Variants in CD36 observed in about 807,000 individuals in gnomAD.
CD36 encodes the protein platelet glycoprotein 4.
A neutral mutation model predicts 55.2 loss-of-function variants in CD36; 119 were observed. The observed-to-expected ratio is 2.15, with a 90% CI of 1.86 to 2.51. The LOEUF (loss-of-function observed/expected upper bound fraction) is 2.51. CD36 is among the 30% of genes most tolerant of loss of function. CD36 has a pLI of 0.00. For missense variants in CD36, 819 were observed against 555.5 expected (o/e 1.47, Z -4.77); for synonymous variants, 186 against 193.6 (o/e 0.96, Z 0.33).
At chr7:80,651,785 C>A (rs1287321238) in intron 3 of CD36, among the ~76,000 whole-genome samples, 2 of 152,024 alleles carry the variant, frequency 1.3e-5, no homozygotes, top group African/African-American at 4.8e-5. Flanking sequence ...TTACACATGC[C>A]TGTAGTCCTA....
chr7:80,647,056 A>G (rs1460654109), intron 3 of CD36, 196 bp downstream of exon 3: 1 of 555,938 alleles, frequency 1.8e-6, no homozygotes, highest in Non-Finnish European at 3.2e-6. Flanking sequence ...TATATTTAAC[A>G]TGACTCCATT....
chr7:80,611,728 C>G (rs923572636), intron 1 of CD36, among the ~76,000 whole-genome samples: 1 of 152,084 alleles, frequency 6.6e-6, no homozygotes, highest in Admixed American at 6.6e-5. Flanking sequence ...GAGATTTGCT[C>G]TGAATTAGAT....
intron 1 of CD36, among the ~76,000 whole-genome samples, chr7:80,642,446 A>G (rs1397065474): frequency 6.6e-6 from 1 of 152,108 alleles, no homozygotes; most frequent in Non-Finnish European, 1.5e-5. Context: ...GAAGATAAAT[A>G]TAGGTGGAAA....
At chr7:80,632,305 A>C (rs1794123349) in intron 1 of CD36, among the ~76,000 whole-genome samples, 1 of 151,128 alleles carries the variant, frequency 6.6e-6, no homozygotes, top group Admixed American at 6.6e-5. Context: ...CAGATGTATT[A>C]TTTCCTGTGT....
At chr7:80,654,503 C>A (rs190580124) in intron 3 of CD36, among the ~76,000 whole-genome samples, 34 of 152,154 alleles carry the variant, frequency 2.2e-4, no homozygotes, top group Admixed American at 1.9e-3. Flanking sequence ...AGAAATCAAC[C>A]GTTTTCAGCT....
chr7:80,646,759 T>C lies in CD36; in HGVS notation c.19T>C (p.Cys7Arg). ...AAGAAAAATGGGCTGTGACCGGAAC[T>C]GTGGGCTCATCGCTGGGGCTGTCAT... MGCDRNCGLIAGAVIGA... is the reference protein window; with the variant it reads MGCDRNRGLIAGAVIGA... Residue 7 changes from cysteine (C) to arginine (R), a missense_variant, in exon 3 of 15, where the codon TGT (cysteine) becomes CGT (arginine). Cys to Arg is a radical substitution (Grantham distance 180). Transcript: ENST00000447544. 1 of 1,614,012 alleles carries C rather than the reference T, an allele frequency of 6.2e-7. No homozygotes were observed. Among genetic ancestry groups the C allele is most frequent in the Non-Finnish European group, 8.5e-7 (1 of 1,179,944 alleles).
chr7:80,641,925 A>G (rs991664620), intron 1 of CD36, among the ~76,000 whole-genome samples: 5 of 142,534 alleles, frequency 3.5e-5, no homozygotes, highest in African/African-American at 1.0e-4. Context: ...TTACAGAAAC[A>G]CTGTTGACCT....
At chr7:80,649,595 G>T (rs1795444131) in intron 3 of CD36, among the ~76,000 whole-genome samples, 1 of 152,032 alleles carries the variant, frequency 6.6e-6, no homozygotes, top group Non-Finnish European at 1.5e-5. Flanking sequence ...GTGAGTTATT[G>T]ATAGAAGGTA....
At chr7:80,650,686 T>C (rs1028728582) in intron 3 of CD36, among the ~76,000 whole-genome samples, 1 of 152,140 alleles carries the variant, frequency 6.6e-6, no homozygotes, top group Non-Finnish European at 1.5e-5. Context: ...AATCATTTCA[T>C]ATTTAGTGTA....
chr7:80,659,617 C>G (rs2116630390), intron 4 of CD36, among the ~76,000 whole-genome samples: 1 of 152,216 alleles, frequency 6.6e-6, no homozygotes, highest in East Asian at 1.9e-4. Context: ...AAACAACATT[C>G]TAAAGGCAGG....
At chr7:80,612,411 C>T (rs1165521924) in intron 1 of CD36, among the ~76,000 whole-genome samples, 2 of 152,040 alleles carry the variant, frequency 1.3e-5, no homozygotes, top group Admixed American at 6.6e-5. Flanking sequence ...AAAAATTATG[C>T]CTTTGGCATA....
intron 1 of CD36, among the ~76,000 whole-genome samples, chr7:80,629,549 A>G (rs1793951163): frequency 6.6e-6 from 1 of 152,054 alleles, no homozygotes; most frequent in South Asian, 2.1e-4. Context: ...GTTAAAGGGC[A>G]TCTCTGGAAA....
At chr7:80,655,940 GAA>G (rs772968472) in intron 3 of CD36, among the ~76,000 whole-genome samples, 2 of 129,686 alleles carry the variant, frequency 1.5e-5, no homozygotes, top group South Asian at 2.4e-4. Context: ...AAAAAGAAAA[GAA>G]AAAGAAAAAG....
Position 80,604,390 on chromosome 7 carries a change from T to TAGC in CD36, c.-184+2013_-184+2015dup, listed in dbSNP as rs1554330373. Among the ~76,000 whole-genome samples the TAGC allele has an allele frequency of 2.0e-3, 222 of 109,622 alleles. 18 individuals are homozygous for TAGC. In the East Asian group the frequency reaches 0.031, roughly 15 times the overall value. The allele number at this position is 109,622 out of a possible 152,430, so 71.9% of individuals were successfully genotyped here. On this transcript the variant is annotated intron_variant, in intron 1 of 13. Transcript: ENST00000309881. ...TTTTTTTTTTTTTTTTTTTTTTTTT[T>TAGC]AGCAAAGTATGCCATTGGTTCCACA...
chr7:80,676,184 G>A (rs1798157759), intron 14 of CD36, 200 bp from the exon 15 acceptor site: 1 of 152,064 alleles, frequency 6.6e-6, no homozygotes, highest in African/African-American at 2.4e-5. Context: ...GATGAAAATT[G>A]GATATGCTTT....
At chr7:80,610,418 A>AT (rs938193377) in intron 1 of CD36, among the ~76,000 whole-genome samples, 2 of 152,090 alleles carry the variant, frequency 1.3e-5, no homozygotes, top group African/African-American at 4.8e-5. Flanking sequence ...TGGTATTTTT[A>AT]TGTCATCTTT....
At chr7:80,603,768 G>GAAAAA (rs1792375885) in intron 1 of CD36, among the ~76,000 whole-genome samples, 1 of 74,376 alleles carries the variant, frequency 1.3e-5, no homozygotes, top group African/African-American at 9.7e-5. Context: ...TTACAGTCAG[G>GAAAAA]CAAAAAAAAA....
Position 80,669,891 on chromosome 7 carries a change from T to C in CD36, c.749-62T>C, listed in dbSNP as rs377660179. The C allele has an allele frequency of 7.0e-5, 79 of 1,124,344 alleles. No homozygotes were observed. In the African/African-American group the frequency reaches 1.0e-3, roughly 15 times the overall value. The allele number at this position is 1,124,344 out of a possible 1,614,324, so 69.6% of individuals were successfully genotyped here. ...CTATGGACTACACTGGAGGAGAGAT[T>C]TCTAGGTTTTTTTCTAGAACACACA... On this transcript the variant is annotated intron_variant, in intron 8 of 14. Transcript: ENST00000447544.
rs3212165 is a variant in CD36 at position 80,656,954 on chromosome 7, C to G, written c.281+254C>G. ...TTAGACAATATATAGAAAAGATAAA[C>G]AGATTTTATTATAAACTTACCAGTA... On this transcript the variant is annotated intron_variant, in intron 4 of 14. Coordinates refer to ENST00000447544, the MANE Select transcript of CD36 (RefSeq NM_001001548.3). Among the ~76,000 whole-genome samples, 1,303 of 151,994 alleles carry G rather than the reference C, an allele frequency of 8.6e-3. 61 individuals carry two copies. In the East Asian group the frequency reaches 0.1, roughly 12 times the overall value.
Sources: gnomAD v4.1 joint callset for allele counts (sites outside exome capture counted in the v4.1 genomes callset) on GRCh38, gnomAD v4.1.1 for gene constraint, MANE v1.5 for transcripts, NCBI Gene and HGNC (gene_info 2026-07-23, HGNC 2026-07-21) for gene names.